Variants in MFAP3L observed in about 807,000 individuals in gnomAD.
MFAP3L encodes the protein microfibrillar-associated protein 3-like.
A neutral mutation model predicts 20.0 loss-of-function variants in MFAP3L; 5 were observed. The observed-to-expected ratio is 0.25, with a 90% CI of 0.13 to 0.53. The LOEUF (loss-of-function observed/expected upper bound fraction) is 0.53, where lower values mean the gene tolerates loss of function less well. Ranked by LOEUF, MFAP3L falls within the 20% of genes least tolerant of loss-of-function variation. The probability of loss-of-function intolerance (pLI) is 0.96; values close to 1 mark genes in which losing one functional copy is unlikely to be tolerated. For synonymous variants in MFAP3L, 219 were observed against 213.0 expected (o/e 1.03, Z -0.25); for missense variants, 409 against 527.5 (o/e 0.78, Z 2.20).
At chr4:170,026,440 G>C, upstream of MFAP3L, 1 of 294,532 alleles carries the variant, frequency 3.4e-6, no homozygotes, top group Non-Finnish European at 5.0e-6. Context: ...TGGGCCGGCC[G>C]GGGCCGAGCA....
At chr4:170,009,896 G>GT (rs1020833090) in intron 1 of MFAP3L, among the ~76,000 whole-genome samples, 6 of 152,152 alleles carry the variant, frequency 3.9e-5, no homozygotes, top group African/African-American at 1.4e-4. Context: ...GAATATTATT[G>GT]TTTTTTCTTG....
At chr4:169,996,259 G>T (rs954130867) in intron 2 of MFAP3L, among the ~76,000 whole-genome samples, 1 of 152,164 alleles carries the variant, frequency 6.6e-6, no homozygotes, top group African/African-American at 2.4e-5. Flanking sequence ...GTACTGCAGG[G>T]CATGGGTTAT....
chr4:170,018,941 A>G (rs548431660), intron 1 of MFAP3L, among the ~76,000 whole-genome samples: 4 of 152,228 alleles, frequency 2.6e-5, no homozygotes, highest in Admixed American at 6.5e-5. Flanking sequence ...GATGAACTTC[A>G]TAACAGCAGC....
chr4:170,006,606 G>C (rs552933137), intron 1 of MFAP3L: 2 of 152,072 alleles, frequency 1.3e-5, no homozygotes, highest in African/African-American at 2.4e-5. Flanking sequence ...CACTTACCAT[G>C]ACAAGCTCTC....
At chr4:170,025,247 G>A (rs1030376540) in intron 1 of MFAP3L, among the ~76,000 whole-genome samples, 1 of 152,120 alleles carries the variant, frequency 6.6e-6, no homozygotes, top group African/African-American at 2.4e-5. Flanking sequence ...CATCTTGAAG[G>A]ATTTTACTAT....
chr4:170,026,909 G>C (rs62344672), upstream of MFAP3L: 13,573 of 152,242 alleles, frequency 0.089, 622 homozygotes, highest in Middle Eastern at 0.14. Flanking sequence ...CCTTGCTTCC[G>C]AAAGCTTCTC....
intron 2 of MFAP3L, among the ~76,000 whole-genome samples, chr4:170,001,623 T>A (rs1255628824): frequency 6.6e-6 from 1 of 152,202 alleles, no homozygotes; most frequent in Admixed American, 6.5e-5. Flanking sequence ...ACACATTGGA[T>A]AATTAGTGCC....
At chr4:169,997,251 TA>T (rs1738245549) in intron 2 of MFAP3L, among the ~76,000 whole-genome samples, 1 of 152,192 alleles carries the variant, frequency 6.6e-6, no homozygotes, top group Non-Finnish European at 1.5e-5. Flanking sequence ...AAAATATTTT[TA>T]TAACCTGGAA....
Position 169,991,216 on chromosome 4 carries a change from T to C in MFAP3L, c.*162A>G. The C allele has an allele frequency of 1.4e-6, 1 of 709,952 alleles. No homozygotes were observed. The highest frequency in any genetic ancestry group is 1.9e-5 in the South Asian group (1 of 51,682). 44.0% of individuals were successfully genotyped at this position (709,952 alleles called of 1,614,324 possible). On this transcript the variant is annotated 3_prime_UTR_variant, in exon 3 of 3. Transcript: ENST00000361618. The surrounding 1 kb of genome is among the most constrained non-coding windows in gnomAD (Gnocchi z 4.9). The stretch of plus-strand genomic sequence containing the variant: ...CCCTTCTCTACTGGGGAAATTCCAG[T>C]CCCATTCACTGCAGGCAGGTGTTTC...
rs138497026 is a variant in MFAP3L, at chr4:170,023,526, A to G, written c.-134+2708T>C. Among the ~76,000 whole-genome samples, 14 of 152,316 alleles carry G rather than the reference A, an allele frequency of 9.2e-5. No individual in the cohort carries two copies. The East Asian group carries it at 2.7e-3, about 29-fold the overall frequency. ...AACCATGCCAGGGAGGTATTATACC[A>G]AACTTAAAATTAACCACTGGCATTT... On this transcript the variant is annotated intron_variant, in intron 1 of 2. Coordinates refer to ENST00000361618, the MANE Select transcript of MFAP3L (RefSeq NM_021647.8).
intron 1 of MFAP3L, among the ~76,000 whole-genome samples, chr4:170,009,361 C>T (rs1297020504): frequency 2.2e-5 from 3 of 136,736 alleles, no homozygotes; most frequent in African/African-American, 5.7e-5. Flanking sequence ...CCAGCCTGGG[C>T]GACAGAGCAA....
At chr4:170,003,005 G>A (rs1375471091) in intron 2 of MFAP3L, among the ~76,000 whole-genome samples, 1 of 151,990 alleles carries the variant, frequency 6.6e-6, no homozygotes, top group Non-Finnish European at 1.5e-5. Flanking sequence ...GGCCATTCCA[G>A]CTCTCAGATT....
chr4:169,992,210 G>A lies in MFAP3L; in HGVS notation c.398C>T (p.Thr133Ile). The A allele has an allele frequency of 6.2e-7, 1 of 1,614,138 alleles. No individual in the cohort carries two copies. Among genetic ancestry groups the A allele is most frequent in the Non-Finnish European group, 8.5e-7 (1 of 1,180,040 alleles). Reference sequence around the variant, plus strand: ...GCGCAAGGTCACCGTGTTGTTCACGGTGCCGTAGATGTTAGAAGCCACACA... The same window carrying A: ...GCGCAAGGTCACCGTGTTGTTCACGATGCCGTAGATGTTAGAAGCCACACA... ...YTCVASNIYG[T>I]VNNTVTLRVI... The change falls in exon 3 of 3, where the codon ACC becomes ATC. Residue 133 changes from threonine (T) to isoleucine (I), a missense_variant. Coordinates refer to ENST00000361618, the MANE Select transcript of MFAP3L (RefSeq NM_021647.8). The surrounding 1 kb of genome is among the most constrained non-coding windows in gnomAD (Gnocchi z 4.3).
intron 1 of MFAP3L, among the ~76,000 whole-genome samples, chr4:170,013,533 A>G (rs1312319364): frequency 6.6e-6 from 1 of 152,194 alleles, no homozygotes; most frequent in African/African-American, 2.4e-5. Flanking sequence ...TACTCTAAAA[A>G]ATGGAGGCCT....
chr4:169,993,024 C>G (rs181446905), intron 2 of MFAP3L, among the ~76,000 whole-genome samples: 72 of 152,272 alleles, frequency 4.7e-4, no homozygotes, highest in African/African-American at 1.6e-3. Flanking sequence ...ACAGACCCAT[C>G]AAGTTGAAAA....
intron 2 of MFAP3L, chr4:170,004,904 C>T (rs548212022): frequency 6.6e-6 from 1 of 152,290 alleles, no homozygotes; most frequent in Non-Finnish European, 1.5e-5. Context: ...AATTACTTCT[C>T]GCATCTAAAA....
rs148399102 is a variant in MFAP3L, at chr4:170,001,729, G to T, written c.298+3851C>A. ...ACAGTATATTTCGTGGCCATTTGTG[G>T]TTATTCATGTTGTCTGCTTTATGGT... On this transcript the variant is annotated intron_variant, in intron 2 of 2. Transcript: ENST00000361618. Among the ~76,000 whole-genome samples the T allele has an allele frequency of 2.6e-5, 4 of 152,280 alleles. No homozygotes were observed. The East Asian group carries it at 7.7e-4, about 29-fold the overall frequency.
rs1388443720 is a variant in MFAP3L at position 169,991,633 on chromosome 4, G to A, written c.975C>T (p.Ser325=). The A allele has an allele frequency of 1.2e-6, 2 of 1,614,098 alleles. No homozygotes were observed. Among genetic ancestry groups the A allele is most frequent in the South Asian group, 2.2e-5 (2 of 91,082 alleles). Residue 325 remains serine (S), a synonymous_variant, in exon 3 of 3, where the codon TCC becomes TCT. Transcript: ENST00000361618. The surrounding 1 kb of genome is among the most constrained non-coding windows in gnomAD (Gnocchi z 4.9). The part of the protein sequence containing the change: ...IAIKVSVHPQ[S]KKEHADDQEG... Reference sequence around the variant, plus strand: ...CTTGGTCATCTGCATGCTCTTTTTTGGACTGCGGGTGAACTGACACCTTGA... The same window carrying A: ...CTTGGTCATCTGCATGCTCTTTTTTAGACTGCGGGTGAACTGACACCTTGA...
chr4:170,012,000 G>A (rs1739412175), intron 1 of MFAP3L, among the ~76,000 whole-genome samples: 1 of 152,202 alleles, frequency 6.6e-6, no homozygotes, highest in Non-Finnish European at 1.5e-5. Context: ...AGAGGAGGGG[G>A]AAGTAGGTTG....
Sources: allele counts gnomAD v4.1 joint callset (sites outside exome capture counted in the v4.1 genomes callset), GRCh38; gene constraint gnomAD v4.1.1; non-coding constraint Gnocchi (gnomAD v3.1); transcripts MANE v1.5; gene names NCBI Gene and HGNC (gene_info 2026-07-23, HGNC 2026-07-21).